Variants in PDZD2 observed in about 807,000 individuals in gnomAD.
PDZD2 encodes the protein PDZ domain containing 2.
PDZD2 carries 90 observed loss-of-function variants against 220.7 expected under a neutral mutation model. The observed-to-expected ratio is 0.41, with a 90% CI of 0.34 to 0.49. The LOEUF (loss-of-function observed/expected upper bound fraction) is 0.49. Ranked by LOEUF, PDZD2 falls within the 20% of genes least tolerant of loss-of-function variation. PDZD2 has a pLI of 0.28. For synonymous variants in PDZD2, 1,375 were observed against 1,450.5 expected, an observed-to-expected ratio of 0.95 and a Z score of 1.18; for missense variants, 3,174 against 3,608.5, an observed-to-expected ratio of 0.88 and a Z score of 3.08.
chr5:31,911,284 A>C (rs1044402275), intron 2 of PDZD2, among the ~76,000 whole-genome samples: 3 of 152,230 alleles, frequency 2.0e-5, no homozygotes, highest in Non-Finnish European at 4.4e-5. Flanking sequence ...CTATAAGGAA[A>C]GTAGCATTGT....
chr5:31,817,986 T>TTC (rs1216288086), intron 2 of PDZD2, among the ~76,000 whole-genome samples: 17 of 149,664 alleles, frequency 1.1e-4, no homozygotes, highest in African/African-American at 4.0e-4. Flanking sequence ...TTTTTTTTTT[T>TTC]TTAGACAAGG....
intron 1 of PDZD2, among the ~76,000 whole-genome samples, chr5:31,651,126 G>A (rs934952642): frequency 4.9e-5 from 1 of 20,576 alleles, no homozygotes; most frequent in Non-Finnish European, 3.0e-4. Context: ...TCAGCATCCC[G>A]TAAGTAAACT....
intron 1 of PDZD2, among the ~76,000 whole-genome samples, chr5:31,659,725 G>C (rs1027269714): frequency 6.6e-6 from 1 of 152,220 alleles, no homozygotes; most frequent in African/African-American, 2.4e-5. Flanking sequence ...GAAGTTAAGG[G>C]AAAGACATAC....
At chr5:32,080,566 T>C (rs1462973795) in intron 19 of PDZD2, among the ~76,000 whole-genome samples, 1 of 151,802 alleles carries the variant, frequency 6.6e-6, no homozygotes, top group Non-Finnish European at 1.5e-5. Flanking sequence ...CAGCAAAGGG[T>C]TGGTTTTTTT....
chr5:31,944,972 G>A (rs1335460046), intron 2 of PDZD2, among the ~76,000 whole-genome samples: 2 of 152,244 alleles, frequency 1.3e-5, no homozygotes, highest in African/African-American at 4.8e-5. Flanking sequence ...GATGCTCTGC[G>A]CTCAGGAGGA....
chr5:32,029,722 T>C (rs1754976652), intron 6 of PDZD2, among the ~76,000 whole-genome samples: 1 of 152,228 alleles, frequency 6.6e-6, no homozygotes. Flanking sequence ...TTCAAGGCTG[T>C]TCACTCTACA....
intron 1 of PDZD2, among the ~76,000 whole-genome samples, chr5:31,783,249 C>T (rs905349098): frequency 8.6e-5 from 13 of 151,928 alleles, no homozygotes; most frequent in Non-Finnish European, 1.9e-4. Flanking sequence ...AGCATGCACG[C>T]GTCTTTCTTT....
intron 10 of PDZD2, 85 bp from the exon 11 acceptor site, chr5:32,057,570 G>T: frequency 1.3e-6 from 1 of 775,706 alleles, no homozygotes; most frequent in Non-Finnish European, 2.2e-6. Flanking sequence ...GGACCATATG[G>T]TATCCCAAAA....
chr5:31,771,833 C>T (rs1263217479), intron 1 of PDZD2, among the ~76,000 whole-genome samples: 1 of 152,130 alleles, frequency 6.6e-6, no homozygotes, highest in Non-Finnish European at 1.5e-5. Flanking sequence ...TCACTCACTG[C>T]CTGGGTGACT....
At chr5:31,986,167 A>C (rs1750704348) in intron 3 of PDZD2, among the ~76,000 whole-genome samples, 1 of 152,074 alleles carries the variant, frequency 6.6e-6, no homozygotes, top group Admixed American at 6.6e-5. Flanking sequence ...TTTATGCTCA[A>C]GGTCAAACAT....
At chr5:31,664,070 G>A (rs985213277) in intron 1 of PDZD2, among the ~76,000 whole-genome samples, 1 of 152,206 alleles carries the variant, frequency 6.6e-6, no homozygotes, top group Non-Finnish European at 1.5e-5. Context: ...TTACTGTCTA[G>A]AGAACATTAT....
At position 32,090,407 on chromosome 5, in the gene PDZD2, G is replaced by A; in HGVS notation, c.6959G>A (p.Cys2320Tyr). ...DKIKVTRRHY[C>Y]YEQNWPHEST... ...ATCAAAGTCACCAGACGACACTACT[G>A]CTATGAGCAGAACTGGCCCCATGAA... Residue 2320 changes from cysteine (C) to tyrosine (Y), a missense_variant, in exon 20 of 25, where the codon TGC (cysteine) becomes TAC (tyrosine). Physicochemically the swap from Cys to Tyr is radical, Grantham distance 194. Coordinates refer to ENST00000438447, the MANE Select transcript of PDZD2 (RefSeq NM_178140.4). The surrounding 1 kb of genome is among the most constrained non-coding windows in gnomAD (Gnocchi z 4.3). The A allele has an allele frequency of 6.2e-7, 1 of 1,614,158 alleles. No individual in the cohort carries two copies. Among genetic ancestry groups the A allele is most frequent in the Non-Finnish European group, 8.5e-7 (1 of 1,180,016 alleles).
chr5:31,929,273 T>C (rs1745048440), intron 2 of PDZD2, among the ~76,000 whole-genome samples: 8 of 152,240 alleles, frequency 5.3e-5, no homozygotes, highest in Admixed American at 5.2e-4. Context: ...TTGCAGCCCA[T>C]AGAATGAAAG....
At chr5:31,670,409 GTTTATTTTAT>G (rs201029053) in intron 1 of PDZD2, among the ~76,000 whole-genome samples, 5 of 151,794 alleles carry the variant, frequency 3.3e-5, no homozygotes, top group Non-Finnish European at 5.9e-5. Flanking sequence ...CTTAGTTTGC[GTTTATTTTAT>G]TTTATTTTAT....
chr5:32,048,234 C>G (rs1442788204), intron 7 of PDZD2, among the ~76,000 whole-genome samples: 1 of 152,256 alleles, frequency 6.6e-6, no homozygotes, highest in African/African-American at 2.4e-5. Context: ...AGCCTTCTCA[C>G]TATTCCCTTA....
At chr5:31,839,261 G>A (rs1052547203) in intron 2 of PDZD2, among the ~76,000 whole-genome samples, 7 of 152,118 alleles carry the variant, frequency 4.6e-5, no homozygotes, top group Non-Finnish European at 8.8e-5. Context: ...AGACTTCGGA[G>A]TTCAAAGCAA....
At position 32,087,173 on chromosome 5, in the gene PDZD2, A is replaced by T; in HGVS notation, c.3725A>T (p.Lys1242Met). The change falls in exon 20 of 25, where the codon AAG becomes ATG. Residue 1242 changes from lysine to methionine, a missense_variant. Lys to Met is a moderately conservative substitution (Grantham distance 95, BLOSUM62 -1). Transcript: ENST00000438447. The surrounding 1 kb of genome is among the most constrained non-coding windows in gnomAD (Gnocchi z 4.0). ...SSDLISSPGK[K>M]GAAHPDPSKT... ...GACCTCATCTCTTCCCCAGGGAAGA[A>T]GGGGGCCGCTCATCCTGACCCCAGC... The T allele has an allele frequency of 6.2e-7, 1 of 1,613,488 alleles. No individual in the cohort carries two copies. The highest frequency in any genetic ancestry group is 8.5e-7 in the Non-Finnish European group (1 of 1,179,514).
intron 1 of PDZD2, among the ~76,000 whole-genome samples, chr5:31,688,498 C>G (rs1746963508): frequency 6.6e-6 from 1 of 152,180 alleles, no homozygotes; most frequent in Admixed American, 6.5e-5. Flanking sequence ...ATTCTTTCCC[C>G]CTCTGTGGCA....
chr5:32,096,054 A>G (rs1171350865), intron 21 of PDZD2, among the ~76,000 whole-genome samples: 1 of 151,378 alleles, frequency 6.6e-6, no homozygotes, highest in Non-Finnish European at 1.5e-5. Context: ...AGGAGGCCTC[A>G]TTTTCAAATA....
Sources: allele counts gnomAD v4.1 joint callset (sites outside exome capture counted in the v4.1 genomes callset), GRCh38; gene constraint gnomAD v4.1.1; non-coding constraint Gnocchi (gnomAD v3.1); transcripts MANE v1.5; gene names NCBI Gene and HGNC (gene_info 2026-07-23, HGNC 2026-07-21).